CCDC62: variants seen among roughly 807,000 people sequenced by gnomAD.
The protein encoded by CCDC62 is coiled-coil domain-containing protein 62.
In CCDC62, 72 loss-of-function variants were observed where a neutral mutation model predicts 80.8. That is an observed-to-expected ratio of 0.89 (90% CI 0.74 to 1.08). The LOEUF is 1.08. Among genes scored for constraint, CCDC62 ranks in the 50% least tolerant of loss-of-function variants. The probability of loss-of-function intolerance (pLI) is 0.00; values close to 1 mark genes in which losing one functional copy is unlikely to be tolerated. For synonymous variants in CCDC62, 286 were observed against 296.5 expected, an observed-to-expected ratio of 0.96 and a Z score of 0.36; for missense variants, 704 against 809.4, an observed-to-expected ratio of 0.87 and a Z score of 1.58.
At chr12:122,782,589 G>C (rs1317876376) in intron 3 of CCDC62, among the ~76,000 whole-genome samples, 1 of 152,018 alleles carries the variant, frequency 6.6e-6, no homozygotes, top group Non-Finnish European at 1.5e-5. Context: ...CCCCCGAGTA[G>C]CTGGGATTAC....
chr12:122,786,138 A>G (rs2030207406), intron 4 of CCDC62, among the ~76,000 whole-genome samples: 1 of 151,800 alleles, frequency 6.6e-6, no homozygotes, highest in African/African-American at 2.4e-5. Flanking sequence ...AGATTGCTTG[A>G]GAGGTTTTTT....
At chr12:122,800,077 T>C in intron 8 of CCDC62, among the ~76,000 whole-genome samples, 1 of 149,946 alleles carries the variant, frequency 6.7e-6, no homozygotes, top group East Asian at 2.0e-4. Context: ...CACTGCAACC[T>C]CCACCTCCTG....
rs576481294 is a variant in CCDC62 at position 122,818,674 on chromosome 12, G to T, written c.2002-4692G>T. Among the ~76,000 whole-genome samples, 30 of 152,152 alleles carry T rather than the reference G, an allele frequency of 2.0e-4. 1 individual carries two copies. The South Asian group carries it at 4.4e-3, about 22-fold the overall frequency. On this transcript the variant is annotated intron_variant, in intron 11 of 12. Coordinates refer to ENST00000253079, the MANE Select transcript of CCDC62 (RefSeq NM_201435.5). Reference sequence around the variant, plus strand: ...GCAGTGACTCACACCTGTAATCCTAGCTCTTTGGGAGGACCACACAGGAGG... The same window carrying T: ...GCAGTGACTCACACCTGTAATCCTATCTCTTTGGGAGGACCACACAGGAGG...
chr12:122,815,358 C>T (rs1337490881), intron 11 of CCDC62, among the ~76,000 whole-genome samples: 2 of 152,206 alleles, frequency 1.3e-5, no homozygotes, highest in Non-Finnish European at 2.9e-5. Flanking sequence ...GGATTATAGG[C>T]GTGAGCCGCT....
At chr12:122,775,073 G>A (rs1217523892) in intron 1 of CCDC62, among the ~76,000 whole-genome samples, 12 of 114,932 alleles carry the variant, frequency 1.0e-4, no homozygotes, top group African/African-American at 3.0e-4. Flanking sequence ...CAGCCTGGGC[G>A]ACAGAGCGAG....
At chr12:122,792,174 C>A in intron 6 of CCDC62, 53 bp downstream of exon 6, 1 of 1,053,374 alleles carries the variant, frequency 9.5e-7, no homozygotes, top group Non-Finnish European at 1.5e-6. Context: ...TGATGACAGG[C>A]TGAAGGAATT....
chr12:122,809,853 G>T (rs1037918925), intron 10 of CCDC62, among the ~76,000 whole-genome samples: 1 of 152,086 alleles, frequency 6.6e-6, no homozygotes, highest in African/African-American at 2.4e-5. Context: ...AGAGCCCTCA[G>T]AAATAATACC....
At chr12:122,806,118 A>G (rs764088527) in intron 9 of CCDC62, 33 bp from the exon 10 acceptor site, 3 of 1,589,994 alleles carry the variant, frequency 1.9e-6, no homozygotes, top group Admixed American at 1.8e-5. Context: ...TTGTTTTAAG[A>G]TATTTGTTTT....
At chr12:122,789,971 C>T (rs141932135) in intron 5 of CCDC62, among the ~76,000 whole-genome samples, 44 of 152,202 alleles carry the variant, frequency 2.9e-4, no homozygotes, top group Non-Finnish European at 5.3e-4. Context: ...TGTTTATATA[C>T]ACCGAGGTAA....
At chr12:122,797,239 G>A (rs2135553207) in intron 6 of CCDC62, 68 bp from the exon 7 acceptor site, 1 of 769,304 alleles carries the variant, frequency 1.3e-6, no homozygotes, top group East Asian at 2.6e-5. Flanking sequence ...GCATTAAATT[G>A]TTGGAAATGG....
In CCDC62 at chr12:122,785,703, T is replaced by A. The variant is rs1463656042; in HGVS notation, c.397-16T>A. On this transcript the variant is annotated splice_polypyrimidine_tract_variant and intron_variant, in intron 3 of 12. Coordinates refer to ENST00000253079, the MANE Select transcript of CCDC62 (RefSeq NM_201435.5). The stretch of plus-strand genomic sequence containing the variant: ...AAAAGGACTCAAGCAGTATCATCTG[T>A]GTTGTTTTCTTGTAGGCTAGAAACG... 1.3e-6 allele frequency: 2 copies of A among 1,547,792 alleles called. No homozygotes were observed. The highest frequency in any genetic ancestry group is 3.3e-5 in the Admixed American group (2 of 59,922).
At chr12:122,817,417 T>C (rs1447496165) in intron 11 of CCDC62, among the ~76,000 whole-genome samples, 1 of 151,790 alleles carries the variant, frequency 6.6e-6, no homozygotes. Flanking sequence ...CTCCACTTCC[T>C]GGGTTCAAGC....
At chr12:122,782,680 A>G (rs2135531835) in intron 3 of CCDC62, among the ~76,000 whole-genome samples, 1 of 151,942 alleles carries the variant, frequency 6.6e-6, no homozygotes, top group South Asian at 2.1e-4. Flanking sequence ...CTGGTCTCCA[A>G]CGCCCGACCT....
intron 4 of CCDC62, among the ~76,000 whole-genome samples, chr12:122,786,103 A>G (rs2030204303): frequency 6.6e-6 from 1 of 152,120 alleles, no homozygotes; most frequent in South Asian, 2.1e-4. Flanking sequence ...ATCCATTATT[A>G]GGTCTCATAG....
intron 4 of CCDC62, among the ~76,000 whole-genome samples, chr12:122,788,395 T>C (rs1309100526): frequency 1.3e-5 from 2 of 152,148 alleles, no homozygotes; most frequent in African/African-American, 4.8e-5. Context: ...CCACCCACCC[T>C]CTTGCTGCTA....
intron 3 of CCDC62, among the ~76,000 whole-genome samples, chr12:122,784,647 A>G (rs926067022): frequency 2.6e-5 from 4 of 152,050 alleles, no homozygotes; most frequent in African/African-American, 9.7e-5. Flanking sequence ...CCTGGGCAAC[A>G]TAGCGAGACC....
chr12:122,811,635 C>T (rs1293969877), intron 10 of CCDC62, among the ~76,000 whole-genome samples: 5 of 150,422 alleles, frequency 3.3e-5, no homozygotes, highest in African/African-American at 9.7e-5. Flanking sequence ...TCCTGACCAA[C>T]ATGGTGAAAC....
chr12:122,784,531 T>TAAC (rs1412831616), intron 3 of CCDC62, among the ~76,000 whole-genome samples: 2 of 150,842 alleles, frequency 1.3e-5, no homozygotes, highest in Non-Finnish European at 3.0e-5. Flanking sequence ...AAAATAATGA[T>TAAC]AATAATAATA....
chr12:122,788,508 A>G (rs1482003344), intron 4 of CCDC62, among the ~76,000 whole-genome samples: 2 of 152,212 alleles, frequency 1.3e-5, no homozygotes, highest in Non-Finnish European at 2.9e-5. Flanking sequence ...GCTAGGTTCA[A>G]ATGGTGGCTC....
Sources: allele counts gnomAD v4.1 joint callset (sites outside exome capture counted in the v4.1 genomes callset), GRCh38; gene constraint gnomAD v4.1.1; transcripts MANE v1.5; gene names NCBI Gene and HGNC (gene_info 2026-07-23, HGNC 2026-07-21).